NISCH: variants seen among roughly 807,000 people sequenced by gnomAD.
NISCH encodes I-1 receptor candidate protein.
Under a neutral mutation model 138.4 loss-of-function variants are expected in NISCH, and 55 were observed. The ratio of observed to expected loss-of-function variants is 0.40; its 90% CI spans 0.32 to 0.50. NISCH has a LOEUF of 0.50. Ranked by LOEUF, NISCH falls within the 20% of genes least tolerant of loss-of-function variation. NISCH has a pLI of 0.71. For synonymous variants in NISCH, 860 were observed against 861.5 expected (o/e 1.00, Z 0.03); for missense variants, 1,643 against 2,005.5 (o/e 0.82, Z 3.45).
At chr3:52,462,424 C>G (rs973856708) in intron 3 of NISCH, among the ~76,000 whole-genome samples, 4 of 152,174 alleles carry the variant, frequency 2.6e-5, no homozygotes, top group African/African-American at 9.7e-5. Context: ...AAAATTGCCC[C>G]CCACTTGAAA....
intron 3 of NISCH, among the ~76,000 whole-genome samples, chr3:52,469,607 A>G (rs1706883036): frequency 6.6e-6 from 1 of 152,142 alleles, no homozygotes; most frequent in South Asian, 2.1e-4. Context: ...TCTCTACAAA[A>G]TATTTTCTTA....
In NISCH at chr3:52,492,760, C is replaced by T; in HGVS notation, c.*278C>T. 4.2e-6 allele frequency: 2 copies of T among 472,674 alleles called. No individual in the cohort carries two copies. The highest frequency in any genetic ancestry group is 3.7e-5 in the South Asian group (1 of 26,736). 29.3% of individuals were successfully genotyped at this position (472,674 alleles called of 1,614,324 possible). ...TCTGCTGTTGTGGGACCGTTGTTAA[C>T]ACGTGACACTGTGGGTCTGACTTTC... On this transcript the variant is annotated 3_prime_UTR_variant, in exon 21 of 21. Transcript: ENST00000345716.
chr3:52,491,781 C>T (rs527481295), intron 20 of NISCH, 91 bp from the exon 21 acceptor site: 24 of 1,453,880 alleles, frequency 1.7e-5, no homozygotes, highest in African/African-American at 4.3e-5. Context: ...TGTCTCATGC[C>T]GGGGTCTCTC....
At chr3:52,474,680 C>T (rs1350815063) in intron 7 of NISCH, among the ~76,000 whole-genome samples, 3 of 152,186 alleles carry the variant, frequency 2.0e-5, no homozygotes, top group Admixed American at 6.5e-5. Context: ...GATCCACCAG[C>T]CTCAGCCTCC....
chr3:52,469,061 GACAA>G (rs1282102326), intron 3 of NISCH, among the ~76,000 whole-genome samples: 1 of 152,078 alleles, frequency 6.6e-6, no homozygotes, highest in South Asian at 2.1e-4. Context: ...ATAAGAAAGA[GACAA>G]ACAACCCAAG....
At chr3:52,459,875 G>A (rs1422526045) in intron 3 of NISCH, among the ~76,000 whole-genome samples, 1 of 151,182 alleles carries the variant, frequency 6.6e-6, no homozygotes, top group Non-Finnish European at 1.5e-5. Flanking sequence ...AAGTCTAGTA[G>A]AAGAGGTTAA....
At chr3:52,490,602 C>T in intron 18 of NISCH, 103 bp from the exon 19 acceptor site, 1 of 1,520,336 alleles carries the variant, frequency 6.6e-7, no homozygotes, top group Non-Finnish European at 9.0e-7. Context: ...CGGGTGGAAG[C>T]CAGGCCAGCC....
chr3:52,478,620 G>A (rs1024672482), intron 11 of NISCH, 43 bp downstream of exon 11: 1 of 1,588,500 alleles, frequency 6.3e-7, no homozygotes, highest in African/African-American at 1.3e-5. Flanking sequence ...AGACCTTCGG[G>A]ATGCAGTCAA....
intron 4 of NISCH, 48 bp from the exon 5 acceptor site, chr3:52,471,766 G>T (rs1406198919): frequency 6.2e-7 from 1 of 1,608,680 alleles, no homozygotes; most frequent in Admixed American, 1.7e-5. Flanking sequence ...CTGCACGAGG[G>T]CTGGGGCTGC....
chr3:52,484,462 T>TTGGGGGCCCCCCCCCCCCCCCCCC, intron 13 of NISCH, 51 bp from the exon 14 acceptor site: 1 of 788,670 alleles, frequency 1.3e-6, no homozygotes, highest in Non-Finnish European at 1.8e-6. Context: ...ACAGCCGCTC[T>TTGGGGGCCCCCCCCCCCCCCCCCC]CCCCGCCCCA....
chr3:52,492,838 CTGT>C lies in NISCH; in HGVS notation c.*359_*361del. The C allele has an allele frequency of 4.0e-6, 1 of 250,174 alleles. No individual in the cohort carries two copies. The highest frequency in any genetic ancestry group is 6.9e-5 in the South Asian group (1 of 14,524). The allele number at this position is 250,174 out of a possible 1,614,324, so 15.5% of individuals were successfully genotyped here. On this transcript the variant is annotated 3_prime_UTR_variant, in exon 21 of 21. Coordinates refer to ENST00000345716, the MANE Select transcript of NISCH (RefSeq NM_007184.4). ...CGAGTCCAGTCCTTTGTTGCTGTTG[CTGT>C]TGCTGTTGCTGTTGCTGTTGCTGTT...
At chr3:52,462,586 C>T (rs1043217722) in intron 3 of NISCH, among the ~76,000 whole-genome samples, 4 of 152,148 alleles carry the variant, frequency 2.6e-5, no homozygotes, top group African/African-American at 7.2e-5. Flanking sequence ...GTGTTGCTGA[C>T]ATTGGATAGG....
rs140314497 is a variant in NISCH, at chr3:52,478,952, G to A, written c.1302+375G>A. Among the ~76,000 whole-genome samples the A allele has an allele frequency of 6.0e-4, 91 of 152,216 alleles. No homozygotes were observed. In the South Asian group the frequency reaches 8.3e-3, roughly 14 times the overall value. On this transcript the variant is annotated intron_variant, in intron 11 of 20. Coordinates refer to ENST00000345716, the MANE Select transcript of NISCH (RefSeq NM_007184.4). Reference sequence around the variant, plus strand: ...CTCGCGGTGTCTGTGCACCTGCCACGATGCTGACCAGACACCCTTAACCAG... The same window carrying A: ...CTCGCGGTGTCTGTGCACCTGCCACAATGCTGACCAGACACCCTTAACCAG...
intron 3 of NISCH, among the ~76,000 whole-genome samples, chr3:52,469,093 A>G (rs1706867637): frequency 1.3e-5 from 2 of 152,210 alleles, no homozygotes; most frequent in South Asian, 4.1e-4. Flanking sequence ...CAGGAAAAGG[A>G]CACCCTGTCT....
chr3:52,476,792 G>A (rs1234061083), intron 8 of NISCH, among the ~76,000 whole-genome samples, 193 bp downstream of exon 8: 1 of 152,178 alleles, frequency 6.6e-6, no homozygotes, highest in East Asian at 1.9e-4. Flanking sequence ...CCAGCACTTT[G>A]GGAGGCCGAG....
At chr3:52,459,268 C>T (rs539194774) in intron 3 of NISCH, among the ~76,000 whole-genome samples, 47 of 152,236 alleles carry the variant, frequency 3.1e-4, no homozygotes, top group African/African-American at 1.0e-3. Context: ...CATCAGGGTC[C>T]GCGCTGCCAG....
In NISCH at chr3:52,492,005, C is replaced by T. The variant is rs757075752; in HGVS notation, c.4038C>T (p.Ser1346=). The change falls in exon 21 of 21, where the codon AGC becomes AGT. Residue 1346 remains serine, a synonymous_variant. Coordinates refer to ENST00000345716, the MANE Select transcript of NISCH (RefSeq NM_007184.4). ...AGCCAGAGAAGGCCCCAGCCCTCAG[C>T]ATCCTGCTGTACGTGCAGGCCTTCC... The part of the protein sequence containing the change: ...MAEPEKAPAL[S]ILLYVQAFQV... 1 of 1,613,300 alleles carries T rather than the reference C, an allele frequency of 6.2e-7. No homozygotes were observed. Among genetic ancestry groups the T allele is most frequent in the African/African-American group, 1.3e-5 (1 of 74,950 alleles).
chr3:52,467,623 G>T (rs1040513324), intron 3 of NISCH, among the ~76,000 whole-genome samples: 7 of 152,232 alleles, frequency 4.6e-5, no homozygotes, highest in African/African-American at 1.7e-4. Flanking sequence ...ATGTACTTCT[G>T]TGCCCTAAAG....
At chr3:52,462,235 T>A (rs184462143) in intron 3 of NISCH, among the ~76,000 whole-genome samples, 176 of 152,376 alleles carry the variant, frequency 1.2e-3, no homozygotes, top group African/African-American at 4.1e-3. Context: ...AAACCCACAG[T>A]TGATCAGCCA....
Sources: gnomAD v4.1 joint callset for allele counts (sites outside exome capture counted in the v4.1 genomes callset) on GRCh38, gnomAD v4.1.1 for gene constraint, MANE v1.5 for transcripts, NCBI Gene and HGNC (gene_info 2026-07-23, HGNC 2026-07-21) for gene names.